NRXN3: variants seen among roughly 807,000 people sequenced by gnomAD.
NRXN3 encodes the protein neurexin 3.
NRXN3 carries 32 observed loss-of-function variants against 137.6 expected under a neutral mutation model. The ratio of observed to expected loss-of-function variants is 0.23; its 90% confidence interval spans 0.18 to 0.31. The LOEUF is 0.31. Ranked by LOEUF, NRXN3 falls within the 10% of genes least tolerant of loss-of-function variation. The pLI is 1.00. For missense variants in NRXN3, 1,574 were observed against 2,062.5 expected, an observed-to-expected ratio of 0.76 and a Z score of 4.59; for synonymous variants, 798 against 784.5, an observed-to-expected ratio of 1.02 and a Z score of -0.29.
At chr14:78,824,522 A>G (rs989716359) in intron 10 of NRXN3, among the ~76,000 whole-genome samples, 1 of 152,202 alleles carries the variant, frequency 6.6e-6, no homozygotes, top group East Asian at 1.9e-4. Context: ...TTTGAGCCAC[A>G]GGAGAAATCT....
At chr14:78,303,908 T>C (rs1025845663) in intron 4 of NRXN3, among the ~76,000 whole-genome samples, 1 of 152,246 alleles carries the variant, frequency 6.6e-6, no homozygotes, top group Middle Eastern at 3.4e-3. Flanking sequence ...CTTGTGTCTT[T>C]GCCCTCTCTG....
At chr14:79,024,553 G>A (rs966309437) in intron 15 of NRXN3, among the ~76,000 whole-genome samples, 2 of 152,118 alleles carry the variant, frequency 1.3e-5, no homozygotes, top group Admixed American at 6.5e-5. Flanking sequence ...ATAGAAATGG[G>A]TAAGTTTTGT....
chr14:79,538,037 G>A (rs988505646), intron 16 of NRXN3, among the ~76,000 whole-genome samples: 9 of 152,176 alleles, frequency 5.9e-5, no homozygotes, highest in African/African-American at 2.2e-4. Flanking sequence ...TTTCTCTGAT[G>A]GCCGGTGATG....
chr14:78,957,190 G>A, intron 10 of NRXN3, 52 bp from the exon 11 acceptor site: 1 of 1,600,700 alleles, frequency 6.2e-7, no homozygotes, highest in Non-Finnish European at 8.5e-7. Context: ...CCTGATGCAT[G>A]AGCACTACTT....
rs141874302 is a variant in NRXN3 at position 79,377,302 on chromosome 14, A to G, written c.3263-89919A>G. 3.0e-3 allele frequency among the ~76,000 whole-genome samples: 456 copies of G among 152,340 alleles called. 2 individuals are homozygous for G. Among genetic ancestry groups the G allele is most frequent in the African/African-American group, 1.0e-2 (414 of 41,582 alleles). ...TTATCAAAGCAATTGCATGAAGAAG[A>G]AATTTGAGAAAGTACAACCCCTGGT... On this transcript the variant is annotated intron_variant, in intron 15 of 20. Transcript: ENST00000335750.
chr14:78,459,701 C>T (rs1202874549), intron 4 of NRXN3, among the ~76,000 whole-genome samples: 1 of 152,028 alleles, frequency 6.6e-6, no homozygotes, highest in Non-Finnish European at 1.5e-5. Context: ...TTTTTTGACT[C>T]AGGAAGTGTA....
chr14:79,691,767 C>T lies in NRXN3; in HGVS notation c.3617-406C>T, dbSNP rs549898436. Among the ~76,000 whole-genome samples, 56 of 152,094 alleles carry T rather than the reference C, an allele frequency of 3.7e-4. No homozygotes were observed. In the Middle Eastern group the frequency reaches 0.01, roughly 28 times the overall value. ...TACGGTAGATTAATAGTGCAGCTTG[C>T]GTGACTGTGGAGCGAGGGTCCCGTC... On this transcript the variant is annotated intron_variant, in intron 17 of 20. Coordinates refer to ENST00000335750, the MANE Select transcript of NRXN3 (RefSeq NM_001330195.2).
intron 19 of NRXN3, among the ~76,000 whole-genome samples, chr14:79,720,155 A>G (rs893065085): frequency 1.3e-5 from 2 of 152,114 alleles, no homozygotes; most frequent in East Asian, 1.9e-4. Context: ...TCATGGTGGA[A>G]GGCAAAGGGG....
Position 79,861,805 on chromosome 14 carries a change from G to C in NRXN3, c.4557G>C (p.Lys1519Asn), listed in dbSNP as rs1349320275. 6.2e-7 allele frequency: 1 copy of C among 1,614,026 alleles called. No homozygotes were observed. The highest frequency in any genetic ancestry group is 8.5e-7 in the Non-Finnish European group (1 of 1,180,046). The change falls in exon 21 of 21, where the codon AAG (lysine) becomes AAC (asparagine). Residue 1519 changes from lysine (K) to asparagine (N), a missense_variant. Coordinates refer to ENST00000335750, the MANE Select transcript of NRXN3 (RefSeq NM_001330195.2). This position sits in a 1 kb window ranked among gnomAD's most constrained non-coding sequence, Gnocchi z 5.4. Reference protein sequence around the residue: ...CILILLYAMYKYRNRDEGSYQ... With the variant: ...CILILLYAMYNYRNRDEGSYQ... The stretch of plus-strand genomic sequence containing the variant: ...TGATCCTCCTGTACGCCATGTACAA[G>C]TACAGGAACAGGGACGAGGGGTCCT...
intron 20 of NRXN3, among the ~76,000 whole-genome samples, chr14:79,851,679 G>T (rs1490300765): frequency 6.6e-6 from 1 of 151,976 alleles, no homozygotes; most frequent in African/African-American, 2.4e-5. Context: ...CCCAGTCCTT[G>T]GTTGAACATT....
At chr14:78,285,522 A>C (rs2075054179) in intron 3 of NRXN3, among the ~76,000 whole-genome samples, 1 of 152,166 alleles carries the variant, frequency 6.6e-6, no homozygotes, top group Non-Finnish European at 1.5e-5. Context: ...AACAGAATGC[A>C]AACCCTGGTA....
chr14:78,337,568 A>T (rs2081621223), intron 4 of NRXN3, among the ~76,000 whole-genome samples: 1 of 152,098 alleles, frequency 6.6e-6, no homozygotes, highest in Non-Finnish European at 1.5e-5. Context: ...GGAACAAGGG[A>T]GTCTTTAAGA....
intron 10 of NRXN3, among the ~76,000 whole-genome samples, chr14:78,855,937 C>A (rs776843519): frequency 1.5e-3 from 221 of 152,308 alleles, no homozygotes; most frequent in Non-Finnish European, 2.5e-3. Flanking sequence ...TGTTTCTAGT[C>A]ATGTTTCAAT....
chr14:78,429,252 T>C (rs554345013), intron 4 of NRXN3, among the ~76,000 whole-genome samples: 2 of 140,758 alleles, frequency 1.4e-5, no homozygotes, highest in East Asian at 1.9e-4. Context: ...ATATTTTTTG[T>C]ATATTTAGTA....
intron 8 of NRXN3, among the ~76,000 whole-genome samples, chr14:78,742,574 T>C (rs1375336724): frequency 6.6e-6 from 1 of 152,214 alleles, no homozygotes; most frequent in Non-Finnish European, 1.5e-5. Flanking sequence ...TAGTGTGTGA[T>C]ATAGAATGAT....
intron 15 of NRXN3, among the ~76,000 whole-genome samples, chr14:79,351,252 G>A (rs1482587688): frequency 2.0e-5 from 3 of 152,158 alleles, no homozygotes; most frequent in African/African-American, 7.2e-5. Flanking sequence ...ATGAAATAAT[G>A]TGCTGGCAGA....
At chr14:78,304,844 G>A (rs1323858230) in intron 4 of NRXN3, among the ~76,000 whole-genome samples, 8 of 152,122 alleles carry the variant, frequency 5.3e-5, no homozygotes, top group African/African-American at 1.9e-4. Flanking sequence ...CCAGCTGATC[G>A]CTGCCATGCA....
At chr14:78,237,851 G>A (rs1176290186) in intron 1 of NRXN3, among the ~76,000 whole-genome samples, 1 of 152,210 alleles carries the variant, frequency 6.6e-6, no homozygotes, top group Non-Finnish European at 1.5e-5. Flanking sequence ...CAGTCCTGGT[G>A]AGGGCAGGTC....
At chr14:78,880,172 G>A (rs987444725) in intron 10 of NRXN3, among the ~76,000 whole-genome samples, 4 of 138,226 alleles carry the variant, frequency 2.9e-5, no homozygotes, top group South Asian at 2.2e-4. Flanking sequence ...CCCGGGAGGC[G>A]GAGCTTGCAG....
Sources: allele counts gnomAD v4.1 joint callset (sites outside exome capture counted in the v4.1 genomes callset), GRCh38; gene constraint gnomAD v4.1.1; non-coding constraint Gnocchi (gnomAD v3.1); transcripts MANE v1.5; gene names NCBI Gene and HGNC (gene_info 2026-07-23, HGNC 2026-07-21).